The following SYNJ2 variants were observed in gnomAD, a reference collection of about 807,000 sequenced individuals.
SYNJ2 encodes synaptojanin 2.
A neutral mutation model predicts 141.3 loss-of-function variants in SYNJ2; 116 were observed. The observed-to-expected ratio is 0.82, with a 90% CI of 0.71 to 0.96. The LOEUF (loss-of-function observed/expected upper bound fraction) is 0.96, where lower values mean the gene tolerates loss of function less well. Among genes scored for constraint, SYNJ2 ranks in the 40% least tolerant of loss-of-function variants. The pLI is 0.00. For missense variants in SYNJ2, 1,873 were observed against 1,934.8 expected (o/e 0.97, Z 0.60); for synonymous variants, 745 against 777.7 (o/e 0.96, Z 0.70).
At chr6:158,094,043 C>T in intron 26 of SYNJ2, 1 of 762,636 alleles carries the variant, frequency 1.3e-6, no homozygotes, top group Non-Finnish European at 2.4e-6. Flanking sequence ...CCTCGGTAAT[C>T]CCTTCCTGGT....
chr6:158,040,361 G>A lies in SYNJ2; in HGVS notation c.712-2955G>A, dbSNP rs1229161840. On this transcript the variant is annotated intron_variant, in intron 4 of 26. Coordinates refer to ENST00000355585, the MANE Select transcript of SYNJ2 (RefSeq NM_003898.4). This position sits in a 1 kb window ranked among gnomAD's most constrained non-coding sequence, Gnocchi z 4.2. ...ATACACACATGTGTGGGTTGTGTAT[G>A]TGTTGTGTGTCTGCACGCACAGATG... is the stretch of plus-strand genomic sequence containing the variant. Among the ~76,000 whole-genome samples, 1 of 152,152 alleles carries A rather than the reference G, an allele frequency of 6.6e-6. No homozygotes were observed. The highest frequency in any genetic ancestry group is 1.5e-5 in the Non-Finnish European group (1 of 68,030).
chr6:158,032,664 T>G (rs1450246138), intron 3 of SYNJ2, among the ~76,000 whole-genome samples: 3 of 152,234 alleles, frequency 2.0e-5, no homozygotes, highest in African/African-American at 7.2e-5. Flanking sequence ...TTCACTTCTC[T>G]GTGCCTCAGC....
chr6:157,990,332 T>TTGCCTC (rs1562308805), intron 1 of SYNJ2, among the ~76,000 whole-genome samples: 6 of 149,556 alleles, frequency 4.0e-5, no homozygotes, highest in Non-Finnish European at 7.4e-5. Flanking sequence ...TCTCATGCCT[T>TTGCCTC]CTTCTCCTTC....
At chr6:157,981,606 C>A (rs949537821), upstream of SYNJ2, among the ~76,000 whole-genome samples, 7 of 151,970 alleles carry the variant, frequency 4.6e-5, no homozygotes, top group African/African-American at 1.7e-4. This position sits in a 1 kb window ranked among gnomAD's most constrained non-coding sequence, Gnocchi z 6.4. Context: ...GGGGTCGCCC[C>A]GCGCGGGGCA....
chr6:158,091,178 G>A (rs924841120), intron 25 of SYNJ2, among the ~76,000 whole-genome samples: 29 of 151,632 alleles, frequency 1.9e-4, no homozygotes, highest in Admixed American at 1.5e-3. Flanking sequence ...TTAGCCGGGC[G>A]TGATGGTGGG....
upstream of SYNJ2, among the ~76,000 whole-genome samples, chr6:157,981,660 C>A (rs561714430): frequency 3.9e-4 from 59 of 152,062 alleles, no homozygotes; most frequent in African/African-American, 1.3e-3. This position sits in a 1 kb window ranked among gnomAD's most constrained non-coding sequence, Gnocchi z 6.4. Context: ...GGAGGCTCTT[C>A]CGCTCCACGC....
In SYNJ2 at chr6:158,071,988, A is replaced by T. The variant is rs1781958594; in HGVS notation, c.2133+194A>T. On this transcript the variant is annotated intron_variant, in intron 15 of 26. Coordinates refer to ENST00000355585, the MANE Select transcript of SYNJ2 (RefSeq NM_003898.4). This position sits in a 1 kb window ranked among gnomAD's most constrained non-coding sequence, Gnocchi z 4.3. ...GGGGCAGGGTTAGCCACGTGCCTGG[A>T]GGGGGCCAGCTTTGCAGCATTTCCC... 6.6e-6 allele frequency among the ~76,000 whole-genome samples: 1 copy of T among 152,158 alleles called. No individual in the cohort carries two copies. The highest frequency in any genetic ancestry group is 1.5e-5 in the Non-Finnish European group (1 of 68,022).
chr6:158,081,636 CT>C (rs56991071), intron 20 of SYNJ2, 126 bp downstream of exon 20: 129,058 of 228,480 alleles, frequency 0.56, 39,519 homozygotes, highest in African/African-American at 0.66. Flanking sequence ...TTTTTTTTTT[CT>C]CTGAGACAAA....
At chr6:158,089,452 C>A (rs1196124095) in intron 24 of SYNJ2, among the ~76,000 whole-genome samples, 1 of 152,006 alleles carries the variant, frequency 6.6e-6, no homozygotes, top group Non-Finnish European at 1.5e-5. Context: ...ATAAAGGCAA[C>A]CCACATGCTG....
At position 158,096,207 on chromosome 6, in the gene SYNJ2, A is replaced by G. The variant is rs368772579; in HGVS notation, c.4334A>G (p.Lys1445Arg). 81 of 1,614,104 alleles carry G rather than the reference A, an allele frequency of 5.0e-5. No homozygotes were observed. The highest frequency in any genetic ancestry group is 3.3e-4 in the Middle Eastern group (2 of 6,084). ...DPLDSGTRSP[K>R]RDPIDPVSAG... ...TTGGACTCAGGAACCAGGAGCCCCA[A>G]AAGAGATCCCATAGACCCAGTGTCA... The change falls in exon 27 of 27, where the codon AAA becomes AGA. Residue 1445 changes from lysine (K) to arginine (R), a missense_variant. By Grantham distance (26) the Lys-to-Arg change is conservative. Coordinates refer to ENST00000355585, the MANE Select transcript of SYNJ2 (RefSeq NM_003898.4).
chr6:158,073,068 T>TAAA lies in SYNJ2; in HGVS notation c.2133+1290_2133+1292dup, dbSNP rs59003520. 2.3e-3 allele frequency among the ~76,000 whole-genome samples: 315 copies of TAAA among 134,364 alleles called. 2 individuals are homozygous for TAAA. Among genetic ancestry groups the TAAA allele is most frequent in the Non-Finnish European group, 4.0e-3 (251 of 62,954 alleles). The allele number at this position is 134,364 out of a possible 152,430, so 88.1% of individuals were successfully genotyped here. On this transcript the variant is annotated intron_variant, in intron 15 of 26. Transcript: ENST00000355585. ...CTCGGCAACAGAGCGAGACTCTGTC[T>TAAA]AAAAAAAAAAAAAAAAAAGTGCTAC... is the stretch of plus-strand genomic sequence containing the variant.
rs768909637 is a variant in SYNJ2 at position 158,081,505 on chromosome 6, A to G, written c.2860A>G (p.Met954Val). ...TCTCAGTGTCCTGGACGTGGACGGT[A>G]TGAAGGTACGCTGTACTTGGCCACA... ...SALSVLDVDGMKVKGRAVKIR... is the reference protein window; with the variant it reads ...SALSVLDVDGVKVKGRAVKIR... Residue 954 changes from methionine (M) to valine (V), a missense_variant, in exon 20 of 27, where the codon ATG (methionine) becomes GTG (valine). By Grantham distance (21) the Met-to-Val change is conservative. Transcript: ENST00000355585. 2 of 1,560,222 alleles carry G rather than the reference A, an allele frequency of 1.3e-6. No homozygotes were observed. The highest frequency in any genetic ancestry group is 1.7e-6 in the Non-Finnish European group (2 of 1,148,152).
chr6:158,043,460 A>G lies in SYNJ2; in HGVS notation c.795+61A>G. ...TGTTGTCCGCCCTGCCCTTCCCTTC[A>G]ATAGCTGGGGAAGATTTCTTTTAAC... is the stretch of plus-strand genomic sequence containing the variant. On this transcript the variant is annotated intron_variant, in intron 5 of 26. Coordinates refer to ENST00000355585, the MANE Select transcript of SYNJ2 (RefSeq NM_003898.4). The surrounding 1 kb of genome is among the most constrained non-coding windows in gnomAD (Gnocchi z 4.0). 1 of 1,212,280 alleles carries G rather than the reference A, an allele frequency of 8.2e-7. No individual in the cohort carries two copies. The highest frequency in any genetic ancestry group is 1.2e-6 in the Non-Finnish European group (1 of 829,710). 75.1% of individuals were successfully genotyped at this position (1,212,280 alleles called of 1,614,324 possible). A position where few individuals can be genotyped will look rare whatever the true frequency, so the allele number is the denominator to read the frequency against.
rs73579689 is a variant in SYNJ2 at position 158,062,254 on chromosome 6, G to A, written c.1127+90G>A. On this transcript the variant is annotated intron_variant, in intron 8 of 26. Coordinates refer to ENST00000355585, the MANE Select transcript of SYNJ2 (RefSeq NM_003898.4). ...TCGCTGCGTGCTGTGCCTTCTGCTG[G>A]GTGAGGCGGCAGAGGGGCCGTGCAG... 2.9e-3 allele frequency: 4,417 copies of A among 1,549,566 alleles called. 109 individuals are homozygous for A. In the African/African-American group the frequency reaches 0.054, roughly 19 times the overall value.
chr6:158,023,502 G>T (rs772881710), intron 2 of SYNJ2, among the ~76,000 whole-genome samples: 1 of 152,028 alleles, frequency 6.6e-6, no homozygotes, highest in Non-Finnish European at 1.5e-5. Context: ...GGTTACACCC[G>T]TCCCACCAAC....
intron 1 of SYNJ2, among the ~76,000 whole-genome samples, chr6:157,999,813 C>T (rs1777768681): frequency 6.6e-6 from 1 of 152,194 alleles, no homozygotes; most frequent in Admixed American, 6.5e-5. Flanking sequence ...CAAGGAGGGG[C>T]CCTAGAGCAG....
chr6:157,985,029 A>T, intron 1 of SYNJ2, among the ~76,000 whole-genome samples: 1 of 152,164 alleles, frequency 6.6e-6, no homozygotes, highest in East Asian at 1.9e-4. Context: ...AGATGAGGGG[A>T]CTGGGCCTGA....
chr6:158,019,353 G>A (rs1011717523), intron 2 of SYNJ2, among the ~76,000 whole-genome samples: 3 of 152,252 alleles, frequency 2.0e-5, no homozygotes, highest in Admixed American at 6.5e-5. Flanking sequence ...GGGACAGGTG[G>A]CTGGGCTCAC....
At chr6:158,065,182 G>A (rs533684806) in intron 11 of SYNJ2, among the ~76,000 whole-genome samples, 191 bp downstream of exon 11, 65 of 152,298 alleles carry the variant, frequency 4.3e-4, no homozygotes, top group East Asian at 1.5e-3. Flanking sequence ...GGGAGCTCAC[G>A]CTTCCTCTGT....
Sources: allele counts gnomAD v4.1 joint callset (sites outside exome capture counted in the v4.1 genomes callset), GRCh38; gene constraint gnomAD v4.1.1; non-coding constraint Gnocchi (gnomAD v3.1); transcripts MANE v1.5; gene names NCBI Gene and HGNC (gene_info 2026-07-23, HGNC 2026-07-21).